CELF4: variants seen among roughly 807,000 people sequenced by gnomAD.
CELF4 encodes CUGBP Elav-like family member 4, also known as CUG-BP- and ETR-3-like factor 4.
A neutral mutation model predicts 59.9 loss-of-function variants in CELF4; 18 were observed. The observed-to-expected ratio is 0.30, with a 90% CI of 0.21 to 0.45. CELF4 has a LOEUF of 0.45. Among genes scored for constraint, CELF4 ranks in the 20% least tolerant of loss-of-function variants. CELF4 has a pLI of 1.00. For synonymous variants in CELF4, 261 were observed against 267.1 expected, an observed-to-expected ratio of 0.98 and a Z score of 0.22; for missense variants, 456 against 689.0, an observed-to-expected ratio of 0.66 and a Z score of 3.79.
At chr18:37,512,577 C>A (rs1448071758) in intron 1 of CELF4, among the ~76,000 whole-genome samples, 2 of 151,840 alleles carry the variant, frequency 1.3e-5, no homozygotes, top group Non-Finnish European at 2.9e-5. Flanking sequence ...TATCTTGACA[C>A]CTTTCTCGTC....
chr18:37,462,517 C>T (rs915462547), intron 2 of CELF4, among the ~76,000 whole-genome samples: 1 of 152,220 alleles, frequency 6.6e-6, no homozygotes. Flanking sequence ...TAGGCAGGCT[C>T]CTAGCCACCA....
At position 37,475,889 on chromosome 18, in the gene CELF4, C is replaced by A. The variant is rs1018270020; in HGVS notation, c.369+9636G>T. On this transcript the variant is annotated intron_variant, in intron 2 of 12. Transcript: ENST00000420428. ...GTTCCTCTCCCTTTACATACACAAC[C>A]AACTTCTGTCCTCCCCACTCCATGG... is the stretch of plus-strand genomic sequence containing the variant. 5.9e-5 allele frequency among the ~76,000 whole-genome samples: 9 copies of A among 152,216 alleles called. No homozygotes were observed. In the South Asian group the frequency reaches 1.9e-3, roughly 32 times the overall value.
At chr18:37,247,354 A>AGAGAGAGG (rs1302347779) in intron 12 of CELF4, 6 of 128,124 alleles carry the variant, frequency 4.7e-5, no homozygotes, top group African/African-American at 1.8e-4. Flanking sequence ...AGAGAGAGAG[A>AGAGAGAGG]GAGGACAAGA....
chr18:37,378,899 C>G (rs1424688397), intron 2 of CELF4, among the ~76,000 whole-genome samples: 3 of 152,276 alleles, frequency 2.0e-5, no homozygotes, highest in South Asian at 4.1e-4. Flanking sequence ...AGCCAGCATC[C>G]CTGAGCATCT....
chr18:37,464,410 C>T (rs2099802289), intron 2 of CELF4, among the ~76,000 whole-genome samples: 1 of 152,184 alleles, frequency 6.6e-6, no homozygotes, highest in Non-Finnish European at 1.5e-5. Context: ...CCTAGCCTCT[C>T]CCCTCCCACT....
chr18:37,268,833 G>T (rs1002053423), intron 8 of CELF4, among the ~76,000 whole-genome samples: 1 of 152,260 alleles, frequency 6.6e-6, no homozygotes, highest in South Asian at 2.1e-4. Flanking sequence ...TCCAAACTCC[G>T]CATTTAAAGA....
At chr18:37,403,136 A>G (rs2099349230) in intron 2 of CELF4, among the ~76,000 whole-genome samples, 2 of 151,880 alleles carry the variant, frequency 1.3e-5, no homozygotes, top group Non-Finnish European at 1.5e-5. Flanking sequence ...AGGAGGGGAG[A>G]CAGGCAGAGA....
chr18:37,551,492 C>T (rs2099983157), intron 1 of CELF4, among the ~76,000 whole-genome samples: 1 of 152,176 alleles, frequency 6.6e-6, no homozygotes, highest in South Asian at 2.1e-4. Context: ...CCAGTGTCAC[C>T]CCAGGAAACT....
chr18:37,328,931 TA>T lies in CELF4; in HGVS notation c.370-7051del, dbSNP rs368263113. 3.1e-3 allele frequency among the ~76,000 whole-genome samples: 470 copies of T among 152,330 alleles called. 2 individuals carry two copies. Among genetic ancestry groups the T allele is most frequent in the African/African-American group, 0.011 (454 of 41,578 alleles). ...AAAATAAAAAGTGTCATTAAAGTAC[TA>T]AAATATAAAGCCTTTCCTTCTTGGT... On this transcript the variant is annotated intron_variant, in intron 2 of 12. Coordinates refer to ENST00000420428, the MANE Select transcript of CELF4 (RefSeq NM_020180.4).
At chr18:37,554,219 G>C (rs946786215) in intron 1 of CELF4, among the ~76,000 whole-genome samples, 1 of 152,134 alleles carries the variant, frequency 6.6e-6, no homozygotes, top group African/African-American at 2.4e-5. Flanking sequence ...TCGGGGGCTG[G>C]GGCTCTGCAA....
At chr18:37,553,446 G>A (rs547608958) in intron 1 of CELF4, among the ~76,000 whole-genome samples, 1 of 152,126 alleles carries the variant, frequency 6.6e-6, no homozygotes, top group Non-Finnish European at 1.5e-5. Flanking sequence ...CAGAAGTTCC[G>A]GGACACAGCA....
chr18:37,451,352 G>C (rs1165058015), intron 2 of CELF4, among the ~76,000 whole-genome samples: 3 of 152,056 alleles, frequency 2.0e-5, no homozygotes, highest in African/African-American at 7.3e-5. Flanking sequence ...CTGTGTGTCT[G>C]TGTGTATCTG....
At chr18:37,525,638 T>C (rs1009920357) in intron 1 of CELF4, among the ~76,000 whole-genome samples, 1 of 152,110 alleles carries the variant, frequency 6.6e-6, no homozygotes, top group South Asian at 2.1e-4. Flanking sequence ...AGGAAAAGAC[T>C]GTTAGGGTTC....
At chr18:37,264,136 A>G (rs72900316) in intron 10 of CELF4, among the ~76,000 whole-genome samples, 14,178 of 152,202 alleles carry the variant, frequency 0.093, 881 homozygotes, top group Middle Eastern at 0.15. Flanking sequence ...ACACAGTGGT[A>G]GGCCCTCCAG....
At chr18:37,313,721 G>A (rs558975635) in intron 3 of CELF4, among the ~76,000 whole-genome samples, 11 of 152,300 alleles carry the variant, frequency 7.2e-5, no homozygotes, top group African/African-American at 1.2e-4. Flanking sequence ...AATAATGCTC[G>A]GAGGAGTAAT....
chr18:37,314,585 G>A (rs1424579365), intron 3 of CELF4, among the ~76,000 whole-genome samples: 1 of 152,136 alleles, frequency 6.6e-6, no homozygotes, highest in Non-Finnish European at 1.5e-5. Flanking sequence ...GGAGGGTAGG[G>A]GAACATAAAA....
intron 2 of CELF4, among the ~76,000 whole-genome samples, chr18:37,476,241 G>A (rs2099848665): frequency 1.3e-5 from 2 of 152,218 alleles, no homozygotes; most frequent in South Asian, 4.1e-4. Context: ...CTCTGCACAG[G>A]CTGACAGTGT....
intron 3 of CELF4, among the ~76,000 whole-genome samples, chr18:37,278,448 G>C (rs1318108023): frequency 6.6e-6 from 1 of 152,244 alleles, no homozygotes; most frequent in East Asian, 1.9e-4. Flanking sequence ...TCTCAGACCA[G>C]GGGCTGGAGG....
chr18:37,342,513 G>A (rs571958384), intron 2 of CELF4, among the ~76,000 whole-genome samples: 2 of 152,166 alleles, frequency 1.3e-5, no homozygotes, highest in African/African-American at 4.8e-5. Context: ...GAGGGCAGGA[G>A]TGAGGAGTGG....
Sources: gnomAD v4.1 joint callset for allele counts (sites outside exome capture counted in the v4.1 genomes callset) on GRCh38, gnomAD v4.1.1 for gene constraint, MANE v1.5 for transcripts, NCBI Gene and HGNC (gene_info 2026-07-23, HGNC 2026-07-21) for gene names.